Variants in IQCJ observed in about 807,000 individuals in gnomAD.
The protein encoded by IQCJ is IQ motif containing J, also known as IQ domain-containing protein J.
Under a neutral mutation model 11.0 loss-of-function variants are expected in IQCJ, and 9 were observed. That is an observed-to-expected ratio of 0.82 (90% CI 0.49 to 1.43). The LOEUF is 1.43. Among genes scored for constraint, IQCJ ranks in the 40% most tolerant of loss-of-function variants. The pLI is 0.00. For missense variants in IQCJ, 146 were observed against 133.2 expected (o/e 1.10, Z -0.47); for synonymous variants, 55 against 51.3 (o/e 1.07, Z -0.31).
intron 1 of IQCJ, among the ~76,000 whole-genome samples, chr3:159,108,020 A>AAG (rs1718380501): frequency 2.6e-5 from 4 of 151,302 alleles, no homozygotes; most frequent in Non-Finnish European, 5.9e-5. Context: ...AAAAAAAAAA[A>AAG]AAAAAGAAAA....
At chr3:159,254,693 C>T (rs994351970) in intron 3 of IQCJ, among the ~76,000 whole-genome samples, 8 of 152,064 alleles carry the variant, frequency 5.3e-5, no homozygotes, top group Non-Finnish European at 1.0e-4. Flanking sequence ...CTCTTTCTAT[C>T]TCCCCTTCTC....
rs1004686253 is a variant in IQCJ at position 159,142,634 on chromosome 3, T to C, written c.9+73193T>C. ...GGTTTCACCATGTTGGCCAGGCTGG[T>C]CTCGAACTCCTGACGTCAGGTGATC... On this transcript the variant is annotated intron_variant, in intron 1 of 3. Coordinates refer to ENST00000397832, the MANE Select transcript of IQCJ (RefSeq NM_001042706.3). 5.3e-5 allele frequency among the ~76,000 whole-genome samples: 8 copies of C among 152,322 alleles called. No individual in the cohort carries two copies. In the South Asian group the frequency reaches 1.2e-3, roughly 24 times the overall value.
chr3:159,158,209 A>G lies in IQCJ; in HGVS notation c.10-87634A>G, dbSNP rs149038626. The stretch of plus-strand genomic sequence containing the variant: ...AAAAACTACAAATCTTTTTAAGTTA[A>G]TTTTGAGATGTTCCCTTACAAGCAG... On this transcript the variant is annotated intron_variant, in intron 1 of 3. Transcript: ENST00000397832. Among the ~76,000 whole-genome samples, 536 of 152,280 alleles carry G rather than the reference A, an allele frequency of 3.5e-3. 2 individuals are homozygous for G. Among genetic ancestry groups the G allele is most frequent in the African/African-American group, 0.012 (506 of 41,556 alleles).
rs1314873110 is a variant in IQCJ at position 159,115,763 on chromosome 3, G to A, written c.9+46322G>A. Among the ~76,000 whole-genome samples, 3 of 151,834 alleles carry A rather than the reference G, an allele frequency of 2.0e-5. No homozygotes were observed. In the East Asian group the frequency reaches 5.8e-4, roughly 29 times the overall value. On this transcript the variant is annotated intron_variant, in intron 1 of 3. Transcript: ENST00000397832. ...TAGGGAGACCCATCTCTAAAAAAAT[G>A]TTTTTTTTAAAAAATAGCCGGCATT...
intron 1 of IQCJ, among the ~76,000 whole-genome samples, chr3:159,126,361 A>C (rs1316062856): frequency 6.6e-6 from 1 of 152,230 alleles, no homozygotes; most frequent in African/African-American, 2.4e-5. Context: ...GCTCAGCACA[A>C]AATGAATGCT....
At chr3:159,121,855 C>A (rs954824131) in intron 1 of IQCJ, among the ~76,000 whole-genome samples, 5 of 152,190 alleles carry the variant, frequency 3.3e-5, no homozygotes, top group Admixed American at 6.5e-5. Flanking sequence ...TTGAACCCTG[C>A]AAAAATCTGG....
intron 1 of IQCJ, among the ~76,000 whole-genome samples, chr3:159,161,209 A>G (rs1721835512): frequency 6.6e-6 from 1 of 152,170 alleles, no homozygotes; most frequent in South Asian, 2.1e-4. Flanking sequence ...TGACTTTTTA[A>G]TGATTGCCAT....
At chr3:159,257,639 G>A (rs533683223) in intron 3 of IQCJ, among the ~76,000 whole-genome samples, 2 of 152,282 alleles carry the variant, frequency 1.3e-5, no homozygotes, top group Non-Finnish European at 2.9e-5. Flanking sequence ...CAGTGGCCCC[G>A]TATTGACATT....
rs1251536350 is a variant in IQCJ at position 159,263,044 on chromosome 3, T to C, written c.*313T>C. Reference sequence around the variant, plus strand: ...CTAATATGATAGAAGATAAGATTGGTTATAAGGAGTAGAAAGAGAACTTTT... The same window carrying C: ...CTAATATGATAGAAGATAAGATTGGCTATAAGGAGTAGAAAGAGAACTTTT... On this transcript the variant is annotated 3_prime_UTR_variant, in exon 4 of 4. Coordinates refer to ENST00000397832, the MANE Select transcript of IQCJ (RefSeq NM_001042706.3). The C allele has an allele frequency of 9.8e-7, 1 of 1,020,654 alleles. No individual in the cohort carries two copies. The highest frequency in any genetic ancestry group is 1.2e-6 in the Non-Finnish European group (1 of 851,950). The allele number at this position is 1,020,654 out of a possible 1,614,324, so 63.2% of individuals were successfully genotyped here.
chr3:159,083,807 C>A (rs1716499443), intron 1 of IQCJ, among the ~76,000 whole-genome samples: 1 of 151,940 alleles, frequency 6.6e-6, no homozygotes, highest in African/African-American at 2.4e-5. Flanking sequence ...AAAACAGTAT[C>A]AAAAAATTAT....
At chr3:159,243,799 C>T (rs187700632) in intron 1 of IQCJ, among the ~76,000 whole-genome samples, 3 of 152,286 alleles carry the variant, frequency 2.0e-5, no homozygotes, top group Admixed American at 1.3e-4. Context: ...CAAGACCACT[C>T]AGGTTATTAT....
chr3:159,203,842 G>A (rs1724493552), intron 1 of IQCJ, among the ~76,000 whole-genome samples: 1 of 152,148 alleles, frequency 6.6e-6, no homozygotes, highest in Non-Finnish European at 1.5e-5. Context: ...CAGATGGGAG[G>A]ATATTCAGTC....
chr3:159,070,947 T>C (rs1398066572), intron 1 of IQCJ, among the ~76,000 whole-genome samples: 2 of 152,002 alleles, frequency 1.3e-5, no homozygotes, highest in Non-Finnish European at 2.9e-5. Flanking sequence ...TGATAATGAT[T>C]ATAAAAGCAA....
chr3:159,106,516 G>A (rs930582109), intron 1 of IQCJ, among the ~76,000 whole-genome samples: 1 of 151,946 alleles, frequency 6.6e-6, no homozygotes, highest in Non-Finnish European at 1.5e-5. Context: ...GTAGGAGGGT[G>A]GAGTGGGGTG....
At chr3:159,216,080 G>A (rs1725211052) in intron 1 of IQCJ, among the ~76,000 whole-genome samples, 1 of 126,078 alleles carries the variant, frequency 7.9e-6, no homozygotes, top group Non-Finnish European at 1.6e-5. Context: ...GAAAGCGTGT[G>A]TGTGTGTGGG....
intron 1 of IQCJ, among the ~76,000 whole-genome samples, chr3:159,123,980 C>T (rs943753662): frequency 1.3e-5 from 2 of 152,156 alleles, no homozygotes; most frequent in African/African-American, 4.8e-5. Flanking sequence ...ACTGCCTAAC[C>T]TCAACCTCTT....
intron 1 of IQCJ, among the ~76,000 whole-genome samples, chr3:159,126,673 A>G (rs926909934): frequency 6.6e-6 from 1 of 152,256 alleles, no homozygotes; most frequent in African/African-American, 2.4e-5. Flanking sequence ...GGAATTTGAC[A>G]GAAGTGGATG....
At chr3:159,246,895 C>T (rs1291941262) in intron 2 of IQCJ, among the ~76,000 whole-genome samples, 1 of 152,114 alleles carries the variant, frequency 6.6e-6, no homozygotes, top group Non-Finnish European at 1.5e-5. Context: ...AGCATTGTGA[C>T]TCAGATAAGG....
At chr3:159,239,847 T>A (rs1006580393) in intron 1 of IQCJ, among the ~76,000 whole-genome samples, 1 of 152,234 alleles carries the variant, frequency 6.6e-6, no homozygotes, top group Non-Finnish European at 1.5e-5. Flanking sequence ...CAGTAACATA[T>A]GCTTTATAGG....
Sources: allele counts gnomAD v4.1 joint callset (sites outside exome capture counted in the v4.1 genomes callset), GRCh38; gene constraint gnomAD v4.1.1; transcripts MANE v1.5; gene names NCBI Gene and HGNC (gene_info 2026-07-23, HGNC 2026-07-21).